CNTN4: variants seen among roughly 807,000 people sequenced by gnomAD.
The protein encoded by CNTN4 is contactin-4.
CNTN4 carries 77 observed loss-of-function variants against 122.5 expected under a neutral mutation model. The observed-to-expected ratio is 0.63, with a 90% CI of 0.52 to 0.76. The LOEUF (loss-of-function observed/expected upper bound fraction) is 0.76. CNTN4 is among the 30% of genes least tolerant of loss of function. The pLI, the probability that CNTN4 is intolerant of heterozygous loss-of-function variation, is 0.00. For missense variants in CNTN4, 1,256 were observed against 1,259.1 expected (o/e 1.00, Z 0.04); for synonymous variants, 512 against 447.0 (o/e 1.15, Z -1.83).
intron 4 of CNTN4, among the ~76,000 whole-genome samples, chr3:2,602,335 T>C (rs1337204372): frequency 6.6e-6 from 1 of 152,202 alleles, no homozygotes; most frequent in Non-Finnish European, 1.5e-5. Flanking sequence ...ATTGTATATT[T>C]AGAAAACCCC....
At chr3:2,958,448 C>A (rs2094822227) in intron 13 of CNTN4, among the ~76,000 whole-genome samples, 1 of 152,138 alleles carries the variant, frequency 6.6e-6, no homozygotes, top group Non-Finnish European at 1.5e-5. Context: ...CTCATGGCAG[C>A]CCAACCAGCA....
intron 13 of CNTN4, among the ~76,000 whole-genome samples, chr3:2,947,154 T>C (rs1292642204): frequency 6.6e-6 from 1 of 152,214 alleles, no homozygotes; most frequent in African/African-American, 2.4e-5. Context: ...TTTCGCATTG[T>C]AGTTTTTCTT....
At chr3:2,982,999 G>A (rs922351118) in intron 13 of CNTN4, among the ~76,000 whole-genome samples, 1 of 151,748 alleles carries the variant, frequency 6.6e-6, no homozygotes, top group Non-Finnish European at 1.5e-5. Context: ...CGGATCACGA[G>A]GTCAGGAGAT....
At chr3:2,576,074 A>G (rs1197004384) in intron 4 of CNTN4, among the ~76,000 whole-genome samples, 1 of 152,012 alleles carries the variant, frequency 6.6e-6, no homozygotes, top group African/African-American at 2.4e-5. Context: ...TGACCTTGTG[A>G]TCTGCCCACC....
chr3:2,689,295 G>A (rs1274421409), intron 4 of CNTN4, among the ~76,000 whole-genome samples: 1 of 152,116 alleles, frequency 6.6e-6, no homozygotes, highest in Non-Finnish European at 1.5e-5. Flanking sequence ...GTGGTTCCTT[G>A]AAATATGGCT....
chr3:2,123,743 G>A (rs548578360), intron 2 of CNTN4, among the ~76,000 whole-genome samples: 2 of 152,304 alleles, frequency 1.3e-5, no homozygotes, highest in Non-Finnish European at 2.9e-5. Flanking sequence ...ACTAAGAAAT[G>A]ATCGTTAGAG....
At chr3:2,482,408 A>C (rs1383243971) in intron 3 of CNTN4, among the ~76,000 whole-genome samples, 1 of 151,942 alleles carries the variant, frequency 6.6e-6, no homozygotes, top group Non-Finnish European at 1.5e-5. Flanking sequence ...AGTTTGGAAA[A>C]TTTGCAGCCT....
Position 2,554,582 on chromosome 3 carries a change from TGTA to T in CNTN4, c.-88-16833_-88-16831del, listed in dbSNP as rs575408548. ...AAATTGAGGATCAGCAAACTTTTCTTGTAAGTGGGTAGGTAGTAAATATATATA... is the reference window on the plus strand; with the variant it reads ...AAATTGAGGATCAGCAAACTTTTCTTAGTGGGTAGGTAGTAAATATATATA... On this transcript the variant is annotated intron_variant, in intron 3 of 24. Transcript: ENST00000418658. Among the ~76,000 whole-genome samples the T allele has an allele frequency of 1.6e-4, 24 of 152,254 alleles. No homozygotes were observed. In the South Asian group the frequency reaches 5.0e-3, roughly 32 times the overall value.
intron 3 of CNTN4, among the ~76,000 whole-genome samples, chr3:2,475,113 T>C (rs1272253367): frequency 6.6e-6 from 1 of 152,210 alleles, no homozygotes; most frequent in East Asian, 1.9e-4. Flanking sequence ...CTTCATACTG[T>C]TGTAGGCATT....
At position 3,034,759 on chromosome 3, in the gene CNTN4, A is replaced by G. The variant is rs6803232; in HGVS notation, c.1911A>G (p.Pro637=). Reference sequence around the variant, plus strand: ...TGTATGTCATTCAAGCCAGGACTCCATTCTCCGTGGGCTGGCAAGCAGTCA... The same window carrying G: ...TGTATGTCATTCAAGCCAGGACTCCGTTCTCCGTGGGCTGGCAAGCAGTCA... ...ITMYVIQART[P]FSVGWQAVST... The change falls in exon 17 of 25, where the codon CCA becomes CCG. Residue 637 remains proline (P), a synonymous_variant. Transcript: ENST00000418658. 1,001,444 of 1,613,288 alleles carry G rather than the reference A, an allele frequency of 0.62. 315,399 individuals are homozygous for G. The highest frequency in any genetic ancestry group is 0.69 in the African/African-American group (51,919 of 74,920).
chr3:2,428,907 A>G (rs1031275468), intron 3 of CNTN4, among the ~76,000 whole-genome samples: 7 of 152,156 alleles, frequency 4.6e-5, no homozygotes, highest in African/African-American at 1.7e-4. Flanking sequence ...TACTCGTGCC[A>G]TGGTTTTCAG....
chr3:2,105,521 C>T (rs531484526), intron 2 of CNTN4, among the ~76,000 whole-genome samples: 5 of 152,098 alleles, frequency 3.3e-5, no homozygotes, highest in Non-Finnish European at 7.4e-5. Context: ...TGGCGGCAGG[C>T]AAGAGACAGT....
intron 13 of CNTN4, among the ~76,000 whole-genome samples, chr3:2,957,955 G>T (rs189858390): frequency 1.3e-5 from 2 of 152,162 alleles, no homozygotes; most frequent in South Asian, 4.1e-4. Flanking sequence ...TATATATTCA[G>T]TAATGGGATT....
At chr3:2,123,699 G>A (rs2033941642) in intron 2 of CNTN4, among the ~76,000 whole-genome samples, 1 of 151,976 alleles carries the variant, frequency 6.6e-6, no homozygotes. Flanking sequence ...TTTATTATAG[G>A]GGATTCCTTT....
chr3:3,038,838 A>T (rs963103925), intron 18 of CNTN4, 95 bp from the exon 19 acceptor site: 3 of 917,798 alleles, frequency 3.3e-6, no homozygotes, highest in East Asian at 4.8e-5. Context: ...GCCTCAGAGT[A>T]CTCACTGAAA....
At chr3:2,982,099 T>G (rs944144702) in intron 13 of CNTN4, among the ~76,000 whole-genome samples, 4 of 152,218 alleles carry the variant, frequency 2.6e-5, no homozygotes, top group Non-Finnish European at 4.4e-5. Context: ...ATACTTAGCC[T>G]TTATATGCAG....
At chr3:2,182,378 A>G (rs775376461) in intron 2 of CNTN4, among the ~76,000 whole-genome samples, 1 of 152,148 alleles carries the variant, frequency 6.6e-6, no homozygotes, top group East Asian at 1.9e-4. Context: ...TTGAGATGAT[A>G]TAAAGTTGTT....
At chr3:2,719,365 G>A (rs952005626) in intron 4 of CNTN4, among the ~76,000 whole-genome samples, 2 of 150,646 alleles carry the variant, frequency 1.3e-5, no homozygotes, top group East Asian at 2.0e-4. Flanking sequence ...TCATGATCTC[G>A]GCTCACTGCA....
At chr3:2,812,565 TTGTTTTG>T (rs1157834551) in intron 6 of CNTN4, among the ~76,000 whole-genome samples, 1 of 141,894 alleles carries the variant, frequency 7.0e-6, no homozygotes, top group Non-Finnish European at 1.6e-5. Context: ...TTTTTTTGTT[TTGTTTTG>T]TTTTTTTGTT....
Sources: gnomAD v4.1 joint callset for allele counts (sites outside exome capture counted in the v4.1 genomes callset) on GRCh38, gnomAD v4.1.1 for gene constraint, MANE v1.5 for transcripts, NCBI Gene and HGNC (gene_info 2026-07-23, HGNC 2026-07-21) for gene names.